KLHL2: variants seen among roughly 807,000 people sequenced by gnomAD.
KLHL2 encodes the protein kelch like family member 2, also known as kelch-like protein 2.
In KLHL2, 15 loss-of-function variants were observed where a neutral mutation model predicts 75.8. That is an observed-to-expected ratio of 0.20 (90% CI 0.13 to 0.30). The LOEUF (loss-of-function observed/expected upper bound fraction) is 0.30. KLHL2 is among the 10% of genes least tolerant of loss of function. The pLI, the probability that KLHL2 is intolerant of heterozygous loss-of-function variation, is 1.00. For synonymous variants in KLHL2, 214 were observed against 251.9 expected, an observed-to-expected ratio of 0.85 and a Z score of 1.42; for missense variants, 381 against 741.0, an observed-to-expected ratio of 0.51 and a Z score of 5.64.
At chr4:165,228,648 A>G (rs1027137163) in intron 2 of KLHL2, among the ~76,000 whole-genome samples, 159 bp from the exon 3 acceptor site, 4 of 152,128 alleles carry the variant, frequency 2.6e-5, no homozygotes, top group African/African-American at 7.2e-5. Context: ...GCTGTTTTCT[A>G]TGTACTTCAT....
At chr4:165,247,852 C>T (rs1452703779) in intron 4 of KLHL2, among the ~76,000 whole-genome samples, 1 of 152,098 alleles carries the variant, frequency 6.6e-6, no homozygotes, top group Admixed American at 6.5e-5. Flanking sequence ...ATTGTCAGGC[C>T]ATATTGGGAG....
intron 1 of KLHL2, chr4:165,210,229 T>A: frequency 6.8e-7 from 1 of 1,478,866 alleles, no homozygotes; most frequent in Non-Finnish European, 9.3e-7. Flanking sequence ...TTTGAATGCC[T>A]GTCTCTGCCT....
intron 4 of KLHL2, among the ~76,000 whole-genome samples, chr4:165,251,615 G>GTT (rs757789262): frequency 0.2 from 26,336 of 129,694 alleles, 3,134 homozygotes; most frequent in Non-Finnish European, 0.29. Context: ...TTTTTTTTTT[G>GTT]TTTTTTTTTT....
chr4:165,280,521 C>T (rs1743583354), intron 5 of KLHL2, among the ~76,000 whole-genome samples: 1 of 152,146 alleles, frequency 6.6e-6, no homozygotes, highest in Admixed American at 6.5e-5. Flanking sequence ...TATTGCTAGC[C>T]TTAGCCATGG....
At chr4:165,302,079 T>C (rs1327425179) in intron 8 of KLHL2, among the ~76,000 whole-genome samples, 1 of 152,240 alleles carries the variant, frequency 6.6e-6, no homozygotes, top group Non-Finnish European at 1.5e-5. Flanking sequence ...GTGCTGGGTA[T>C]GTGGGTCCCT....
chr4:165,283,087 C>G (rs1304964951), intron 5 of KLHL2, among the ~76,000 whole-genome samples: 1 of 152,132 alleles, frequency 6.6e-6, no homozygotes, highest in Non-Finnish European at 1.5e-5. Flanking sequence ...AGACCCATCC[C>G]CATAATTCAG....
Position 165,319,917 on chromosome 4 carries a change from T to G in KLHL2, c.1753+1948T>G, listed in dbSNP as rs1013813182. 6.6e-6 allele frequency among the ~76,000 whole-genome samples: 1 copy of G among 152,202 alleles called. No homozygotes were observed. Reference sequence around the variant, plus strand: ...TTTGAGAAAAAGGAAAGTCATTATGTGACAACCTGAAGCAAAAGGAAGGTG... The same window carrying G: ...TTTGAGAAAAAGGAAAGTCATTATGGGACAACCTGAAGCAAAAGGAAGGTG... On this transcript the variant is annotated intron_variant, in intron 14 of 14. Transcript: ENST00000226725. This position sits in a 1 kb window ranked among gnomAD's most constrained non-coding sequence, Gnocchi z 4.5.
intron 2 of KLHL2, among the ~76,000 whole-genome samples, chr4:165,226,426 A>C (rs534079647): frequency 6.6e-6 from 1 of 152,196 alleles, no homozygotes; most frequent in Non-Finnish European, 1.5e-5. Flanking sequence ...GCTTAAGGCC[A>C]ATAGCTGCAG....
chr4:165,303,128 C>T (rs936400790), intron 8 of KLHL2, among the ~76,000 whole-genome samples: 3 of 152,084 alleles, frequency 2.0e-5, no homozygotes, highest in Non-Finnish European at 4.4e-5. Flanking sequence ...TTCCTGGAGA[C>T]CCAAATCGTT....
intron 5 of KLHL2, among the ~76,000 whole-genome samples, chr4:165,270,156 G>T (rs548817644): frequency 4.9e-4 from 74 of 152,284 alleles, no homozygotes; most frequent in African/African-American, 1.6e-3. Flanking sequence ...TCTTGCTGTG[G>T]TTTTCAGCTC....
Position 165,207,806 on chromosome 4 carries a change from G to A in KLHL2, c.-71G>A. 1 of 1,348,654 alleles carries A rather than the reference G, an allele frequency of 7.4e-7. No homozygotes were observed. The highest frequency in any genetic ancestry group is 9.8e-7 in the Non-Finnish European group (1 of 1,020,026). The allele number at this position is 1,348,654 out of a possible 1,614,324, so 83.5% of individuals were successfully genotyped here. Reference sequence around the variant, plus strand: ...CGCGGCTCGGCGGGCGGGCAGTGCCGGCGTCCGCGGCTGGAATGGTGCTGG... The same window carrying A: ...CGCGGCTCGGCGGGCGGGCAGTGCCAGCGTCCGCGGCTGGAATGGTGCTGG... On this transcript the variant is annotated 5_prime_UTR_variant, in exon 1 of 15. Transcript: ENST00000226725. The surrounding 1 kb of genome is among the most constrained non-coding windows in gnomAD (Gnocchi z 4.2).
At chr4:165,302,288 AGTT>A (rs1273236013) in intron 8 of KLHL2, among the ~76,000 whole-genome samples, 1 of 152,072 alleles carries the variant, frequency 6.6e-6, no homozygotes, top group Non-Finnish European at 1.5e-5. Flanking sequence ...GTCATTTTAG[AGTT>A]GTTATGTTCA....
intron 5 of KLHL2, among the ~76,000 whole-genome samples, chr4:165,282,447 A>G (rs1743764228): frequency 6.6e-6 from 1 of 152,204 alleles, no homozygotes; most frequent in African/African-American, 2.4e-5. Flanking sequence ...CCAATTATGT[A>G]TTCGTGTCCA....
At chr4:165,250,129 A>G (rs566613638) in intron 4 of KLHL2, among the ~76,000 whole-genome samples, 43 of 152,006 alleles carry the variant, frequency 2.8e-4, no homozygotes, top group Non-Finnish European at 5.6e-4. Flanking sequence ...GTCTCAAAAA[A>G]AAAAAAAATA....
chr4:165,291,756 G>T (rs548579034), intron 5 of KLHL2, among the ~76,000 whole-genome samples: 6 of 152,110 alleles, frequency 3.9e-5, no homozygotes, highest in Admixed American at 3.3e-4. Flanking sequence ...AAATCCGTGG[G>T]TTCTCCAGTC....
chr4:165,286,543 CAT>C (rs778880866), intron 5 of KLHL2, among the ~76,000 whole-genome samples: 2 of 151,964 alleles, frequency 1.3e-5, no homozygotes, highest in Non-Finnish European at 2.9e-5. Flanking sequence ...AAGGTAGAAA[CAT>C]ATATAGAATC....
chr4:165,209,377 G>A (rs897069220), intron 1 of KLHL2: 1 of 152,198 alleles, frequency 6.6e-6, no homozygotes, highest in Non-Finnish European at 1.5e-5. Flanking sequence ...TAGTAAACCT[G>A]CCTTCTACAT....
At chr4:165,214,239 G>A (rs1272642582) in intron 1 of KLHL2, among the ~76,000 whole-genome samples, 1 of 152,074 alleles carries the variant, frequency 6.6e-6, no homozygotes, top group Non-Finnish European at 1.5e-5. Flanking sequence ...GAGGGGCAAA[G>A]GAAAAGTCAG....
chr4:165,313,043 A>G (rs1746327642), intron 11 of KLHL2, among the ~76,000 whole-genome samples, 195 bp from the exon 12 acceptor site: 1 of 152,204 alleles, frequency 6.6e-6, no homozygotes, highest in South Asian at 2.1e-4. Context: ...GCAGATCTTC[A>G]TAACATGATT....
Sources: allele counts gnomAD v4.1 joint callset (sites outside exome capture counted in the v4.1 genomes callset), GRCh38; gene constraint gnomAD v4.1.1; non-coding constraint Gnocchi (gnomAD v3.1); transcripts MANE v1.5; gene names NCBI Gene and HGNC (gene_info 2026-07-23, HGNC 2026-07-21).